The following FREM2 variants were observed in gnomAD, a reference collection of about 807,000 sequenced individuals.
FREM2 encodes FRAS1 related extracellular matrix 2.
A neutral mutation model predicts 219.9 loss-of-function variants in FREM2; 119 were observed. The ratio of observed to expected loss-of-function variants is 0.54; its 90% CI spans 0.47 to 0.63. FREM2 has a LOEUF of 0.63. Ranked by LOEUF, FREM2 falls within the 30% of genes least tolerant of loss-of-function variation. The pLI is 0.00. For missense variants in FREM2, 4,030 were observed against 3,993.6 expected (o/e 1.01, Z -0.25); for synonymous variants, 1,562 against 1,522.8 (o/e 1.03, Z -0.60).
chr13:38,849,646 C>T (rs1877297080), intron 8 of FREM2, among the ~76,000 whole-genome samples: 1 of 152,162 alleles, frequency 6.6e-6, no homozygotes, highest in Admixed American at 6.5e-5. Context: ...ACACACACCA[C>T]ACACACAGTC....
In FREM2 at chr13:38,869,509, C is replaced by T. The variant is rs76274469; in HGVS notation, c.7984-3233C>T. On this transcript the variant is annotated intron_variant, in intron 16 of 23. Transcript: ENST00000280481. ...ATGAGGACACCAGACATGAAGCTTA[C>T]GGAGGAACAAAGTCGTTACAAGAGT... Among the ~76,000 whole-genome samples the T allele has an allele frequency of 5.2e-3, 784 of 152,182 alleles. 32 individuals are homozygous for T. In the East Asian group the frequency reaches 0.11, roughly 21 times the overall value.
chr13:38,695,365 G>A (rs1458832813), intron 1 of FREM2, among the ~76,000 whole-genome samples: 1 of 152,104 alleles, frequency 6.6e-6, no homozygotes, highest in Non-Finnish European at 1.5e-5. Flanking sequence ...AATAACACAT[G>A]CCCTAACTTG....
In FREM2 at chr13:38,689,442, C is replaced by T. The variant is rs758662970; in HGVS notation, c.2098C>T (p.Pro700Ser). The change falls in exon 1 of 24, where the codon CCT (proline) becomes TCT (serine). Residue 700 changes from proline (P) to serine (S), a missense_variant. By Grantham distance (74) the Pro-to-Ser change is moderately conservative. Coordinates refer to ENST00000280481, the MANE Select transcript of FREM2 (RefSeq NM_207361.6). ...TCGTATCCATCCTGTGGATCGCCTC[C>T]CTCCGGAGCTGGGCAGTGGCTGTCC... ...VIRIHPVDRL[P>S]PELGSGCPLR... 8 of 1,613,914 alleles carry T rather than the reference C, an allele frequency of 5.0e-6. No homozygotes were observed. Among genetic ancestry groups the T allele is most frequent in the African/African-American group, 1.3e-5 (1 of 74,898 alleles).
chr13:38,739,120 GGAGT>G (rs1241249448), intron 2 of FREM2, among the ~76,000 whole-genome samples: 4 of 152,102 alleles, frequency 2.6e-5, no homozygotes, highest in Admixed American at 2.6e-4. Flanking sequence ...GTTGGTGGAG[GGAGT>G]ATCAGTAGAA....
intron 2 of FREM2, among the ~76,000 whole-genome samples, chr13:38,717,669 G>A (rs965843678): frequency 5.3e-5 from 8 of 151,908 alleles, no homozygotes; most frequent in African/African-American, 1.7e-4. Flanking sequence ...TGCCCACCTT[G>A]GCCTCCCAAA....
chr13:38,795,162 C>T (rs749572357), intron 6 of FREM2, among the ~76,000 whole-genome samples: 4 of 151,608 alleles, frequency 2.6e-5, no homozygotes, highest in South Asian at 2.1e-4. Context: ...GCATGGAATC[C>T]GGAAAAAAAT....
chr13:38,842,353 T>G (rs1053083738), intron 6 of FREM2, among the ~76,000 whole-genome samples: 4 of 152,102 alleles, frequency 2.6e-5, no homozygotes, highest in Non-Finnish European at 4.4e-5. Flanking sequence ...CTGGGAAAAC[T>G]CAAATGGAAG....
intron 2 of FREM2, among the ~76,000 whole-genome samples, chr13:38,710,532 C>G (rs149417021): frequency 1.2e-3 from 176 of 152,220 alleles, no homozygotes; most frequent in Non-Finnish European, 2.3e-3. Context: ...ATTGGTATAC[C>G]AGCCCTAAAT....
intron 2 of FREM2, among the ~76,000 whole-genome samples, chr13:38,741,724 T>C (rs1872257286): frequency 6.6e-6 from 1 of 152,330 alleles, no homozygotes; most frequent in East Asian, 1.9e-4. Flanking sequence ...TTGAAGCAGC[T>C]GTGCTCATCA....
chr13:38,783,020 G>T, intron 4 of FREM2, 50 bp from the exon 5 acceptor site: 2 of 1,604,564 alleles, frequency 1.2e-6, no homozygotes, highest in South Asian at 2.2e-5. Context: ...TTGTTTCAGA[G>T]GTAAGAAGCT....
At chr13:38,717,074 G>A (rs1397705645) in intron 2 of FREM2, among the ~76,000 whole-genome samples, 1 of 152,186 alleles carries the variant, frequency 6.6e-6, no homozygotes, top group Non-Finnish European at 1.5e-5. Context: ...CTGACATTGA[G>A]TGAGCTGTCA....
chr13:38,704,235 T>A (rs187359956), intron 2 of FREM2, among the ~76,000 whole-genome samples: 23 of 152,330 alleles, frequency 1.5e-4, no homozygotes, highest in Non-Finnish European at 2.5e-4. Context: ...CCACTCACCA[T>A]GTTTCAGGTG....
At position 38,859,460 on chromosome 13, in the gene FREM2, GA is replaced by G; in HGVS notation, c.7390del (p.Met2464TrpfsTer22). On this transcript the variant is annotated frameshift_variant, in exon 14 of 24. Transcript: ENST00000280481. LOFTEE classifies it high-confidence loss of function. ...TCGACACCTTTTTTACGTCATCCAA[GA>G]TGGTCACACTGGACTCCATATACTT... ...DFDTFFTSSK[M>X]VTLDSIYFQP... 6.2e-7 allele frequency: 1 copy of G among 1,614,118 alleles called. No individual in the cohort carries two copies. Among genetic ancestry groups the G allele is most frequent in the Non-Finnish European group, 8.5e-7 (1 of 1,180,022 alleles).
intron 2 of FREM2, among the ~76,000 whole-genome samples, chr13:38,748,467 C>G (rs9566361): frequency 1.3e-5 from 2 of 152,110 alleles, no homozygotes; most frequent in African/African-American, 4.8e-5. Flanking sequence ...TGCACAGGCT[C>G]TCTGCTCATA....
At chr13:38,840,778 T>A (rs1876931322) in intron 6 of FREM2, among the ~76,000 whole-genome samples, 1 of 151,816 alleles carries the variant, frequency 6.6e-6, no homozygotes, top group South Asian at 2.1e-4. Context: ...GGTAGTCCAT[T>A]TTGTGAAAGA....
intron 2 of FREM2, among the ~76,000 whole-genome samples, chr13:38,761,439 T>C (rs1349865115): frequency 6.6e-6 from 1 of 152,214 alleles, no homozygotes; most frequent in Non-Finnish European, 1.5e-5. Context: ...TTCTATCTTT[T>C]CTATTACTTT....
intron 2 of FREM2, among the ~76,000 whole-genome samples, chr13:38,734,608 TA>T (rs1156505597): frequency 5.9e-5 from 9 of 152,170 alleles, no homozygotes; most frequent in African/African-American, 2.2e-4. Flanking sequence ...TGAAGAAATT[TA>T]AAGCATTCAT....
intron 2 of FREM2, among the ~76,000 whole-genome samples, chr13:38,734,622 A>G (rs150227756): frequency 6.6e-6 from 1 of 152,150 alleles, no homozygotes; most frequent in African/African-American, 2.4e-5. Flanking sequence ...GCATTCATTC[A>G]TTGATTCATT....
At chr13:38,840,628 A>ATG (rs1876915375) in intron 6 of FREM2, among the ~76,000 whole-genome samples, 3 of 34,480 alleles carry the variant, frequency 8.7e-5, no homozygotes, top group African/African-American at 2.5e-4. Flanking sequence ...AAACTAAAAT[A>ATG]TATATATATA....
Sources: gnomAD v4.1 joint callset for allele counts (sites outside exome capture counted in the v4.1 genomes callset) on GRCh38, gnomAD v4.1.1 for gene constraint, MANE v1.5 for transcripts, NCBI Gene and HGNC (gene_info 2026-07-23, HGNC 2026-07-21) for gene names.